DCAF17: variants seen among roughly 807,000 people sequenced by gnomAD.
DCAF17 encodes the protein DDB1- and CUL4-associated factor 17.
DCAF17 carries 48 observed loss-of-function variants against 66.0 expected under a neutral mutation model. The ratio of observed to expected loss-of-function variants is 0.73; its 90% CI spans 0.58 to 0.92. The LOEUF is 0.92. DCAF17 is among the 40% of genes least tolerant of loss of function. DCAF17 has a pLI of 0.00. For synonymous variants in DCAF17, 206 were observed against 214.6 expected (o/e 0.96, Z 0.35); for missense variants, 562 against 622.8 (o/e 0.90, Z 1.04).
chr2:171,454,264 T>C (rs1036216171), intron 6 of DCAF17, among the ~76,000 whole-genome samples: 4 of 151,744 alleles, frequency 2.6e-5, no homozygotes, highest in Non-Finnish European at 5.9e-5. Context: ...TACTTTATTA[T>C]AGCAGTCATT....
intron 8 of DCAF17, among the ~76,000 whole-genome samples, chr2:171,461,883 T>C (rs1695606991): frequency 6.6e-6 from 1 of 152,212 alleles, no homozygotes; most frequent in South Asian, 2.1e-4. Context: ...TTATATTTTC[T>C]GGAGTTTTAT....
chr2:171,444,837 A>G (rs1439783808), intron 3 of DCAF17, among the ~76,000 whole-genome samples: 2 of 152,070 alleles, frequency 1.3e-5, no homozygotes, highest in African/African-American at 2.4e-5. Context: ...TCAGGCTATC[A>G]TTTTTACATA....
At position 171,483,252 on chromosome 2, in the gene DCAF17, T is replaced by A. The variant is rs1240691867; in HGVS notation, c.*2138T>A. ...CTTCCTGCCCTACCTAAACCCCCTCTTTACCTGATATTTTAATTCGAGACT... is the reference window on the plus strand; with the variant it reads ...CTTCCTGCCCTACCTAAACCCCCTCATTACCTGATATTTTAATTCGAGACT... On this transcript the variant is annotated 3_prime_UTR_variant, in exon 14 of 14. Coordinates refer to ENST00000375255, the MANE Select transcript of DCAF17 (RefSeq NM_025000.4). The A allele has an allele frequency of 2.2e-6, 1 of 453,924 alleles. No homozygotes were observed. Among genetic ancestry groups the A allele is most frequent in the Non-Finnish European group, 4.4e-6 (1 of 226,788 alleles). The allele number at this position is 453,924 out of a possible 1,614,324, so 28.1% of individuals were successfully genotyped here. A position where few individuals can be genotyped will look rare whatever the true frequency, so the allele number is the denominator to read the frequency against.
At chr2:171,447,069 G>A (rs550778606) in intron 3 of DCAF17, among the ~76,000 whole-genome samples, 1 of 151,886 alleles carries the variant, frequency 6.6e-6, no homozygotes, top group African/African-American at 2.4e-5. Flanking sequence ...TGTTTTCCTG[G>A]GTTTGTTTTG....
intron 11 of DCAF17, 72 bp from the exon 12 acceptor site, chr2:171,477,915 G>A: frequency 7.5e-7 from 1 of 1,327,064 alleles, no homozygotes; most frequent in South Asian, 1.2e-5. Flanking sequence ...TACCAAATTT[G>A]TTAATACAGT....
Position 171,436,234 on chromosome 2 carries a change from T to C in DCAF17, c.230+1048T>C, listed in dbSNP as rs149373029. On this transcript the variant is annotated intron_variant, in intron 2 of 13. Coordinates refer to ENST00000375255, the MANE Select transcript of DCAF17 (RefSeq NM_025000.4). Reference sequence around the variant, plus strand: ...GTATCCGTTTATCAGTTGTTAGACATTGGTGTTTCTACCTTTTAGCTATTA... The same window carrying C: ...GTATCCGTTTATCAGTTGTTAGACACTGGTGTTTCTACCTTTTAGCTATTA... Among the ~76,000 whole-genome samples the C allele has an allele frequency of 7.6e-3, 1,165 of 152,366 alleles. 13 individuals carry two copies. Among genetic ancestry groups the C allele is most frequent in the African/African-American group, 0.027 (1,118 of 41,588 alleles).
chr2:171,475,608 TA>T, intron 10 of DCAF17, among the ~76,000 whole-genome samples: 1 of 152,072 alleles, frequency 6.6e-6, no homozygotes, highest in African/African-American at 2.4e-5. Context: ...CTACAAAAAA[TA>T]AAAAATAGCC....
chr2:171,438,275 G>A (rs1694083748), intron 2 of DCAF17, among the ~76,000 whole-genome samples: 1 of 152,208 alleles, frequency 6.6e-6, no homozygotes, highest in Non-Finnish European at 1.5e-5. Context: ...TTATGGCTCA[G>A]AATGTGGTCT....
At chr2:171,465,137 G>A (rs914644977) in intron 8 of DCAF17, among the ~76,000 whole-genome samples, 1 of 151,828 alleles carries the variant, frequency 6.6e-6, no homozygotes, top group African/African-American at 2.4e-5. Flanking sequence ...GGTGGAGGTT[G>A]CAGTGAGCCG....
At chr2:171,450,113 T>C (rs1015510853) in intron 5 of DCAF17, 156 bp downstream of exon 5, 2 of 598,928 alleles carry the variant, frequency 3.3e-6, no homozygotes, top group East Asian at 6.3e-5. Context: ...ACCATTATTC[T>C]AAGTGAAGTA....
At chr2:171,469,696 A>C (rs550313377) in intron 9 of DCAF17, among the ~76,000 whole-genome samples, 14 of 152,244 alleles carry the variant, frequency 9.2e-5, no homozygotes, top group Non-Finnish European at 1.3e-4. Context: ...TAAAGGAAAC[A>C]TGTAGAAAAA....
intron 3 of DCAF17, among the ~76,000 whole-genome samples, chr2:171,448,120 G>T (rs568524207): frequency 6.6e-6 from 1 of 152,164 alleles, no homozygotes; most frequent in African/African-American, 2.4e-5. Flanking sequence ...CAATATGAAT[G>T]TCTATTCTAG....
intron 3 of DCAF17, among the ~76,000 whole-genome samples, chr2:171,445,174 C>T (rs891303868): frequency 6.6e-6 from 1 of 151,554 alleles, no homozygotes; most frequent in African/African-American, 2.4e-5. Flanking sequence ...GCCCAGGCTG[C>T]AGTGCAGTGG....
At chr2:171,438,227 A>G (rs1348908665) in intron 2 of DCAF17, among the ~76,000 whole-genome samples, 2 of 152,290 alleles carry the variant, frequency 1.3e-5, no homozygotes, top group South Asian at 2.1e-4. Flanking sequence ...AGCATACTTT[A>G]TATTAGTTCT....
chr2:171,477,571 A>C (rs1574404650), intron 11 of DCAF17, among the ~76,000 whole-genome samples: 1 of 152,308 alleles, frequency 6.6e-6, no homozygotes, highest in Non-Finnish European at 1.5e-5. Flanking sequence ...AGGCAGACAG[A>C]TTGCTTGAGT....
intron 9 of DCAF17, 25 bp from the exon 10 acceptor site, chr2:171,473,841 C>A (rs1266557118): frequency 6.4e-7 from 1 of 1,567,432 alleles, no homozygotes; most frequent in South Asian, 1.1e-5. Context: ...TAATCTTTGT[C>A]TTTAATACTT....
intron 2 of DCAF17, among the ~76,000 whole-genome samples, chr2:171,440,082 CT>C (rs1252504047): frequency 6.6e-6 from 1 of 152,182 alleles, no homozygotes; most frequent in Non-Finnish European, 1.5e-5. Flanking sequence ...CTCCCTCAGC[CT>C]CCTGAGTATA....
intron 8 of DCAF17, among the ~76,000 whole-genome samples, chr2:171,464,885 C>A (rs191856241): frequency 6.6e-6 from 1 of 152,092 alleles, no homozygotes; most frequent in Admixed American, 6.6e-5. Context: ...AATTGCAGTA[C>A]CAGTGTTACT....
chr2:171,458,581 A>C (rs1185014200), intron 8 of DCAF17, 104 bp downstream of exon 8: 1 of 940,120 alleles, frequency 1.1e-6, no homozygotes, highest in Non-Finnish European at 1.6e-6. Flanking sequence ...TATTTAAAAA[A>C]CTCAATTCAT....
Sources: allele counts gnomAD v4.1 joint callset (sites outside exome capture counted in the v4.1 genomes callset), GRCh38; gene constraint gnomAD v4.1.1; transcripts MANE v1.5; gene names NCBI Gene and HGNC (gene_info 2026-07-23, HGNC 2026-07-21).